CIP2A: variants seen among roughly 807,000 people sequenced by gnomAD.
CIP2A encodes the protein cellular inhibitor of PP2A.
A neutral mutation model predicts 110.9 loss-of-function variants in CIP2A; 103 were observed. The observed-to-expected ratio is 0.93, with a 90% CI of 0.79 to 1.09. The LOEUF (loss-of-function observed/expected upper bound fraction) is 1.09, where lower values mean the gene tolerates loss of function less well. Ranked by LOEUF, CIP2A falls within the 50% of genes least tolerant of loss-of-function variation. The pLI is 0.00. For missense variants in CIP2A, 1,088 were observed against 1,038.4 expected (o/e 1.05, Z -0.66); for synonymous variants, 381 against 361.6 (o/e 1.05, Z -0.61).
At chr3:108,587,361 C>T (rs958754219) in intron 1 of CIP2A, among the ~76,000 whole-genome samples, 1 of 151,952 alleles carries the variant, frequency 6.6e-6, no homozygotes, top group Non-Finnish European at 1.5e-5. Context: ...AATGAAGTAG[C>T]GGTACATGTG....
intron 19 of CIP2A, among the ~76,000 whole-genome samples, 190 bp downstream of exon 19, chr3:108,553,458 G>A (rs1344331717): frequency 1.3e-5 from 2 of 151,716 alleles, no homozygotes; most frequent in East Asian, 1.9e-4. Context: ...TTTAAAAAAC[G>A]TACCACTTTT....
intron 14 of CIP2A, 55 bp from the exon 15 acceptor site, chr3:108,560,083 G>T: frequency 9.7e-7 from 1 of 1,028,746 alleles, no homozygotes; most frequent in South Asian, 1.5e-5. Flanking sequence ...TTGACACAAT[G>T]ACAAAATAAA....
At chr3:108,566,816 TAA>T (rs1185782432) in intron 10 of CIP2A, among the ~76,000 whole-genome samples, 178 bp from the exon 11 acceptor site, 2 of 151,910 alleles carry the variant, frequency 1.3e-5, no homozygotes, top group East Asian at 3.9e-4. Context: ...TAGCAAGTGG[TAA>T]GAGATGGACT....
At chr3:108,569,364 G>A in intron 9 of CIP2A, 25 bp downstream of exon 9, 1 of 1,536,726 alleles carries the variant, frequency 6.5e-7, no homozygotes, top group Non-Finnish European at 9.0e-7. Flanking sequence ...AAGTAGAAAA[G>A]TCAATCTGTC....
chr3:108,589,404 C>G lies in CIP2A; in HGVS notation c.-29G>C, dbSNP rs1226286411. 4 of 1,518,930 alleles carry G rather than the reference C, an allele frequency of 2.6e-6. No individual in the cohort carries two copies. In the East Asian group the frequency reaches 6.9e-5, roughly 26 times the overall value. The allele number at this position is 1,518,930 out of a possible 1,614,324, so 94.1% of individuals were successfully genotyped here. On this transcript the variant is annotated 5_prime_UTR_variant, in exon 1 of 21. Transcript: ENST00000295746. ...ACCGGCCGCGGCCCGGCTTAGGGAC[C>G]ACCACCGCCCAGCGTGCGCCGGCCT...
chr3:108,573,858 TGTAAG>T (rs1463823857), intron 8 of CIP2A, among the ~76,000 whole-genome samples: 1 of 152,136 alleles, frequency 6.6e-6, no homozygotes, highest in African/African-American at 2.4e-5. Context: ...TGTAAAAACT[TGTAAG>T]GTAAAGGCTG....
chr3:108,569,226 A>G lies in CIP2A; in HGVS notation c.1113+163T>C, dbSNP rs566017439. On this transcript the variant is annotated intron_variant, in intron 9 of 20. Transcript: ENST00000295746. ...AAAAAAAAGGAAAACACTAATATAT[A>G]TGACTGGCAGAAAAAAACCTAGCGA... is the stretch of plus-strand genomic sequence containing the variant. Among the ~76,000 whole-genome samples the G allele has an allele frequency of 4.8e-5, 6 of 124,920 alleles. No individual in the cohort carries two copies. In the East Asian group the frequency reaches 7.0e-4, roughly 15 times the overall value. 82.0% of individuals were successfully genotyped at this position (124,920 alleles called of 152,430 possible).
chr3:108,579,470 T>A (rs375136879), intron 6 of CIP2A, 44 bp from the exon 7 acceptor site: 669 of 1,566,354 alleles, frequency 4.3e-4, no homozygotes, highest in Non-Finnish European at 5.2e-4. Flanking sequence ...AAAAATTAAG[T>A]TGACACCATC....
intron 17 of CIP2A, 46 bp from the exon 18 acceptor site, chr3:108,554,535 T>C (rs776527008): frequency 5.1e-6 from 4 of 780,808 alleles, no homozygotes; most frequent in East Asian, 5.4e-5. Flanking sequence ...GAGGAAAACA[T>C]ATGAAGGAGA....
chr3:108,585,923 G>C (rs1279367911), intron 1 of CIP2A, among the ~76,000 whole-genome samples: 4 of 150,136 alleles, frequency 2.7e-5, no homozygotes, highest in Admixed American at 6.6e-5. Flanking sequence ...CACACACACA[G>C]AGTGAAAGAG....
At chr3:108,574,166 T>A (rs1279508082) in intron 8 of CIP2A, among the ~76,000 whole-genome samples, 1 of 152,044 alleles carries the variant, frequency 6.6e-6, no homozygotes, top group Non-Finnish European at 1.5e-5. Context: ...CTCCTACTTA[T>A]AAGAGAAAGA....
intron 8 of CIP2A, among the ~76,000 whole-genome samples, chr3:108,575,332 GTATA>G (rs747338964): frequency 2.0e-5 from 3 of 147,710 alleles, no homozygotes; most frequent in Non-Finnish European, 4.4e-5. Context: ...ACACACACGT[GTATA>G]TATACATATA....
At chr3:108,588,074 T>C (rs1939135211) in intron 1 of CIP2A, among the ~76,000 whole-genome samples, 1 of 152,116 alleles carries the variant, frequency 6.6e-6, no homozygotes, top group Middle Eastern at 3.2e-3. Flanking sequence ...CCCTGTGCCT[T>C]AAATCTCTTT....
intron 13 of CIP2A, among the ~76,000 whole-genome samples, chr3:108,562,682 T>C (rs1938047903): frequency 1.3e-5 from 2 of 152,142 alleles, no homozygotes; most frequent in Admixed American, 1.3e-4. Context: ...ATTTTTTTCT[T>C]TAGGAACTCT....
intron 1 of CIP2A, chr3:108,585,572 T>C: frequency 7.5e-6 from 3 of 400,060 alleles, no homozygotes; most frequent in South Asian, 5.8e-5. Context: ...TCCTTCACAC[T>C]ACATTGAACA....
chr3:108,562,565 A>AC (rs1938044928), intron 13 of CIP2A, among the ~76,000 whole-genome samples: 2 of 152,180 alleles, frequency 1.3e-5, no homozygotes, highest in African/African-American at 4.8e-5. Flanking sequence ...CTGAAATCTG[A>AC]ATTTTTTTTC....
intron 12 of CIP2A, 68 bp downstream of exon 12, chr3:108,565,287 A>G (rs1197918750): frequency 1.3e-6 from 1 of 780,484 alleles, no homozygotes; most frequent in East Asian, 2.7e-5. Flanking sequence ...AAGAATATTA[A>G]AACAGAAACT....
chr3:108,571,775 A>G lies in CIP2A; in HGVS notation c.895-2168T>C, dbSNP rs918451684. 3.3e-5 allele frequency among the ~76,000 whole-genome samples: 5 copies of G among 152,198 alleles called. No individual in the cohort carries two copies. The East Asian group carries it at 9.6e-4, about 29-fold the overall frequency. On this transcript the variant is annotated intron_variant, in intron 8 of 20. Transcript: ENST00000295746. ...AAACAATTCTTTGGGATAAATACCT[A>G]TAAGTGAGATTTCTGGGTCGTAGTT... is the stretch of plus-strand genomic sequence containing the variant.
rs374499984 is a variant in CIP2A at position 108,576,799 on chromosome 3, G to A, written c.819-453C>T. ...ATAAAGAAGTAAGGGGCAGCAACCCGCGTTACACAACTCCAAGAGGTACTG... is the reference window on the plus strand; with the variant it reads ...ATAAAGAAGTAAGGGGCAGCAACCCACGTTACACAACTCCAAGAGGTACTG... On this transcript the variant is annotated intron_variant, in intron 7 of 20. Transcript: ENST00000295746. Among the ~76,000 whole-genome samples the A allele has an allele frequency of 1.6e-4, 25 of 152,168 alleles. No individual in the cohort carries two copies. The South Asian group carries it at 1.7e-3, about 10-fold the overall frequency.
Sources: gnomAD v4.1 joint callset for allele counts (sites outside exome capture counted in the v4.1 genomes callset) on GRCh38, gnomAD v4.1.1 for gene constraint, MANE v1.5 for transcripts, NCBI Gene and HGNC (gene_info 2026-07-23, HGNC 2026-07-21) for gene names.